The following RBFOX1 variants were observed in gnomAD, a reference collection of about 807,000 sequenced individuals.
RBFOX1 encodes the protein RNA binding protein fox-1 homolog 1.
RBFOX1 carries 8 observed loss-of-function variants against 57.7 expected under a neutral mutation model. The ratio of observed to expected loss-of-function variants is 0.14; its 90% confidence interval spans 0.08 to 0.25. The LOEUF is 0.25. Among genes scored for constraint, RBFOX1 ranks in the 10% least tolerant of loss-of-function variants. RBFOX1 has a pLI of 1.00. For synonymous variants in RBFOX1, 326 were observed against 222.4 expected (o/e 1.47, Z -4.15); for missense variants, 611 against 548.5 (o/e 1.11, Z -1.14).
intron 4 of RBFOX1, among the ~76,000 whole-genome samples, chr16:7,105,135 A>G (rs2063347478): frequency 6.6e-6 from 1 of 152,092 alleles, no homozygotes; most frequent in African/African-American, 2.4e-5. Context: ...AAGTCTCAGG[A>G]CTGCCTGTCA....
At chr16:7,299,591 A>G (rs2095981860) in intron 4 of RBFOX1, among the ~76,000 whole-genome samples, 2 of 152,246 alleles carry the variant, frequency 1.3e-5, no homozygotes, top group South Asian at 4.1e-4. Flanking sequence ...TCATTTGAGC[A>G]CTGCCAAAAT....
At chr16:6,899,122 C>T (rs185932990) in intron 3 of RBFOX1, among the ~76,000 whole-genome samples, 1 of 151,174 alleles carries the variant, frequency 6.6e-6, no homozygotes, top group Non-Finnish European at 1.5e-5. Context: ...CGTGTTTATG[C>T]ATATGTGTAT....
At chr16:7,260,531 G>T (rs1202512243) in intron 4 of RBFOX1, among the ~76,000 whole-genome samples, 1 of 151,968 alleles carries the variant, frequency 6.6e-6, no homozygotes, top group Non-Finnish European at 1.5e-5. Flanking sequence ...AGTCTCCCTG[G>T]ACCTCCAAGG....
At chr16:7,413,807 C>G (rs964605115) in intron 4 of RBFOX1, among the ~76,000 whole-genome samples, 1 of 152,092 alleles carries the variant, frequency 6.6e-6, no homozygotes, top group Admixed American at 6.5e-5. Flanking sequence ...TCCCAGGTAC[C>G]TCTCATGAAG....
chr16:5,449,743 G>C (rs988142298), intron 1 of RBFOX1, among the ~76,000 whole-genome samples: 1 of 152,090 alleles, frequency 6.6e-6, no homozygotes, highest in Admixed American at 6.6e-5. Context: ...CGAGTAGATG[G>C]AAACACAGAT....
intron 3 of RBFOX1, among the ~76,000 whole-genome samples, chr16:6,797,718 G>T (rs2084409652): frequency 6.6e-6 from 1 of 152,006 alleles, no homozygotes; most frequent in South Asian, 2.1e-4. Context: ...TTAAAGTTCT[G>T]GTGTTTCCAA....
chr16:5,977,693 T>G (rs1272821493), intron 4 of RBFOX1, among the ~76,000 whole-genome samples: 2 of 152,050 alleles, frequency 1.3e-5, no homozygotes, highest in African/African-American at 2.4e-5. Context: ...GTTGTCTGTT[T>G]TGAACTGCAA....
chr16:6,833,155 T>C (rs1407630606), intron 3 of RBFOX1, among the ~76,000 whole-genome samples: 1 of 151,724 alleles, frequency 6.6e-6, no homozygotes, highest in Non-Finnish European at 1.5e-5. Context: ...TTTATTTTAT[T>C]TTATTTTATT....
chr16:6,766,476 T>C lies in RBFOX1; in HGVS notation c.-16+111826T>C, dbSNP rs374499409. Among the ~76,000 whole-genome samples, 23 of 152,078 alleles carry C rather than the reference T, an allele frequency of 1.5e-4. 1 individual carries two copies. The East Asian group carries it at 3.3e-3, about 22-fold the overall frequency. On this transcript the variant is annotated intron_variant, in intron 3 of 15. Transcript: ENST00000550418. Reference sequence around the variant, plus strand: ...TCACATGCCCTTCTTCATTTTTAAATCTTTGAGGGGGAGAGGGGAATGAGA... The same window carrying C: ...TCACATGCCCTTCTTCATTTTTAAACCTTTGAGGGGGAGAGGGGAATGAGA...
At chr16:6,374,529 T>G (rs1469829083) in intron 2 of RBFOX1, among the ~76,000 whole-genome samples, 2 of 152,178 alleles carry the variant, frequency 1.3e-5, no homozygotes, top group African/African-American at 4.8e-5. Context: ...TTCTAGTGTC[T>G]TTAGAGAAAA....
At chr16:6,505,276 G>A (rs926018624) in intron 2 of RBFOX1, among the ~76,000 whole-genome samples, 1 of 152,074 alleles carries the variant, frequency 6.6e-6, no homozygotes, top group South Asian at 2.1e-4. Flanking sequence ...GAAATGTGAA[G>A]CTTGTAGACA....
At chr16:5,955,710 T>C (rs1457771118) in intron 4 of RBFOX1, among the ~76,000 whole-genome samples, 4 of 152,170 alleles carry the variant, frequency 2.6e-5, no homozygotes, top group Admixed American at 6.5e-5. Context: ...ATAAAAGATA[T>C]AAATTAAGCT....
At chr16:6,057,944 A>G (rs1308630715) in intron 1 of RBFOX1, among the ~76,000 whole-genome samples, 1 of 149,940 alleles carries the variant, frequency 6.7e-6, no homozygotes, top group Non-Finnish European at 1.5e-5. Context: ...GGTGAGGTCA[A>G]AGATGAGGGG....
At chr16:5,905,169 G>A (rs1306502564) in intron 4 of RBFOX1, among the ~76,000 whole-genome samples, 1 of 143,790 alleles carries the variant, frequency 7.0e-6, no homozygotes, top group Non-Finnish European at 1.5e-5. Context: ...CTAGATTCAA[G>A]TGATTCTCCT....
intron 4 of RBFOX1, among the ~76,000 whole-genome samples, chr16:7,392,934 C>T (rs2098064806): frequency 6.6e-6 from 1 of 152,026 alleles, no homozygotes; most frequent in African/African-American, 2.4e-5. Flanking sequence ...AGTGCAGTGG[C>T]ATGATCTCGG....
intron 2 of RBFOX1, 98 bp from the exon 3 acceptor site, chr16:6,654,505 T>C: frequency 1.0e-6 from 1 of 958,478 alleles, no homozygotes; most frequent in Non-Finnish European, 1.5e-6. Flanking sequence ...CTCTTTATTA[T>C]TTTAAAGGGC....
At chr16:6,641,537 C>A (rs1053560577) in intron 2 of RBFOX1, among the ~76,000 whole-genome samples, 1 of 151,838 alleles carries the variant, frequency 6.6e-6, no homozygotes, top group African/African-American at 2.4e-5. Context: ...GAGTTTAAGA[C>A]AAGACCAGGC....
At chr16:6,132,913 C>T (rs866851259) in intron 1 of RBFOX1, among the ~76,000 whole-genome samples, 37 of 148,834 alleles carry the variant, frequency 2.5e-4, no homozygotes, top group African/African-American at 8.0e-4. Context: ...CGCAGTGAGC[C>T]GAGATCATGC....
chr16:5,731,132 C>T (rs757591808), intron 3 of RBFOX1, among the ~76,000 whole-genome samples: 1 of 152,136 alleles, frequency 6.6e-6, no homozygotes, highest in Non-Finnish European at 1.5e-5. Flanking sequence ...CTGTCATCAA[C>T]AGCACCACCA....
Sources: gnomAD v4.1 joint callset for allele counts (sites outside exome capture counted in the v4.1 genomes callset) on GRCh38, gnomAD v4.1.1 for gene constraint, MANE v1.5 for transcripts, NCBI Gene and HGNC (gene_info 2026-07-23, HGNC 2026-07-21) for gene names.